Variants in CALD1 observed in about 807,000 individuals in gnomAD.
The protein encoded by CALD1 is caldesmon.
CALD1 carries 33 observed loss-of-function variants against 99.9 expected under a neutral mutation model. The observed-to-expected ratio is 0.33, with a 90% CI of 0.25 to 0.44. CALD1 has a LOEUF of 0.44. Ranked by LOEUF, CALD1 falls within the 20% of genes least tolerant of loss-of-function variation. The pLI is 1.00. For missense variants in CALD1, 861 were observed against 962.1 expected (o/e 0.89, Z 1.39); for synonymous variants, 310 against 325.0 (o/e 0.95, Z 0.50).
chr7:134,754,446 G>A (rs528115900), intron 1 of CALD1, among the ~76,000 whole-genome samples: 3 of 152,152 alleles, frequency 2.0e-5, no homozygotes, highest in Non-Finnish European at 2.9e-5. Flanking sequence ...AAAAGAAAAT[G>A]TCTATAAAAT....
At chr7:134,725,491 A>G in the CALD1 span, among the ~76,000 whole-genome samples, 3 of 151,710 alleles carry the variant, frequency 2.0e-5, no homozygotes, top group Non-Finnish European at 2.9e-5. Flanking sequence ...CTGAGCATGT[A>G]TAGCATTAAT....
intron 1 of CALD1, among the ~76,000 whole-genome samples, chr7:134,819,600 C>T (rs1798692185): frequency 6.6e-6 from 1 of 152,210 alleles, no homozygotes; most frequent in Admixed American, 6.5e-5. Context: ...ATCTTTACAA[C>T]CTCAACCCAG....
intron 1 of CALD1, among the ~76,000 whole-genome samples, chr7:134,797,820 G>C (rs997244880): frequency 2.0e-5 from 3 of 152,100 alleles, no homozygotes; most frequent in Non-Finnish European, 2.9e-5. Flanking sequence ...TCGATCTCCT[G>C]ACCTCAGGTG....
Position 134,883,474 on chromosome 7 carries a change from A to C in CALD1, c.71+15670A>C, listed in dbSNP as rs557421778. Among the ~76,000 whole-genome samples, 4 of 152,254 alleles carry C rather than the reference A, an allele frequency of 2.6e-5. No homozygotes were observed. The East Asian group carries it at 7.7e-4, about 29-fold the overall frequency. On this transcript the variant is annotated intron_variant, in intron 3 of 14. Transcript: ENST00000361675. Reference sequence around the variant, plus strand: ...TGAGAAAATTGGATATTTTTACTAAATATTTTCCCTTAAAAACCTGCCAGG... The same window carrying C: ...TGAGAAAATTGGATATTTTTACTAACTATTTTCCCTTAAAAACCTGCCAGG...
chr7:134,898,096 G>A (rs1421972607), intron 3 of CALD1, among the ~76,000 whole-genome samples: 2 of 151,992 alleles, frequency 1.3e-5, no homozygotes, highest in African/African-American at 2.4e-5. Context: ...GGCTAGCCTG[G>A]GGGTTTAAGA....
intron 13 of CALD1, among the ~76,000 whole-genome samples, chr7:134,964,703 G>C (rs1808538129): frequency 6.6e-6 from 1 of 152,114 alleles, no homozygotes; most frequent in African/African-American, 2.4e-5. Context: ...TGTGAGGCAG[G>C]AAATGCTTAT....
chr7:134,725,473 T>C, the CALD1 span, among the ~76,000 whole-genome samples: 3 of 152,204 alleles, frequency 2.0e-5, no homozygotes, highest in Non-Finnish European at 4.4e-5. Context: ...TTGCAATTCC[T>C]CAATTTCCTG....
At chr7:134,734,594 C>T in the CALD1 span, among the ~76,000 whole-genome samples, 4 of 152,162 alleles carry the variant, frequency 2.6e-5, no homozygotes, top group East Asian at 1.9e-4. Context: ...TGGAGGGACC[C>T]GGTGGGAGGT....
chr7:134,850,983 T>G (rs896693531), intron 2 of CALD1, among the ~76,000 whole-genome samples: 1 of 152,190 alleles, frequency 6.6e-6, no homozygotes, highest in African/African-American at 2.4e-5. Context: ...TGCTCCTCAT[T>G]CACCTTCCAC....
At chr7:134,846,006 G>T (rs1799837441) in intron 2 of CALD1, among the ~76,000 whole-genome samples, 1 of 152,116 alleles carries the variant, frequency 6.6e-6, no homozygotes, top group South Asian at 2.1e-4. Context: ...ACCCACCTTT[G>T]CTCCCTTCTA....
intron 1 of CALD1, among the ~76,000 whole-genome samples, chr7:134,833,728 T>C (rs921214809): frequency 6.6e-6 from 1 of 152,206 alleles, no homozygotes; most frequent in Non-Finnish European, 1.5e-5. Context: ...ATGACATAAA[T>C]AATTTAATAT....
Position 134,811,720 on chromosome 7 carries a change from C to G in CALD1, c.-130+31971C>G, listed in dbSNP as rs556382115. On this transcript the variant is annotated intron_variant, in intron 1 of 14. Coordinates refer to ENST00000361675, the MANE Select transcript of CALD1 (RefSeq NM_033138.4). ...TGGGCTATTTTTAATGTTTCCTAAA[C>G]AAATTATTGTAGGTGGGCCAATTTT... is the stretch of plus-strand genomic sequence containing the variant. Among the ~76,000 whole-genome samples, 5 of 152,206 alleles carry G rather than the reference C, an allele frequency of 3.3e-5. No individual in the cohort carries two copies. The East Asian group carries it at 9.6e-4, about 29-fold the overall frequency.
chr7:134,953,685 A>C (rs1301835894), intron 9 of CALD1, among the ~76,000 whole-genome samples: 4 of 124,306 alleles, frequency 3.2e-5, no homozygotes, highest in Non-Finnish European at 6.6e-5. Flanking sequence ...TTTTTTCAGG[A>C]GAAACTACAA....
intron 14 of CALD1, among the ~76,000 whole-genome samples, chr7:134,966,698 G>A (rs1448619710): frequency 6.6e-6 from 1 of 151,538 alleles, no homozygotes; most frequent in Non-Finnish European, 1.5e-5. Context: ...CTTTCTTTTA[G>A]GATGCATATT....
At chr7:134,825,211 G>C (rs1334231541) in intron 1 of CALD1, among the ~76,000 whole-genome samples, 1 of 152,082 alleles carries the variant, frequency 6.6e-6, no homozygotes, top group African/African-American at 2.4e-5. Context: ...TGGGAAAAGG[G>C]GTAAGGTAAT....
intron 1 of CALD1, among the ~76,000 whole-genome samples, chr7:134,785,571 AC>A (rs1177673920): frequency 6.6e-6 from 1 of 152,176 alleles, no homozygotes; most frequent in East Asian, 1.9e-4. Flanking sequence ...TCCATTGAGC[AC>A]CCATCATGGT....
At chr7:134,905,502 T>C (rs1219648665) in intron 3 of CALD1, among the ~76,000 whole-genome samples, 2 of 152,036 alleles carry the variant, frequency 1.3e-5, no homozygotes, top group African/African-American at 4.8e-5. Flanking sequence ...CCAGGCTGGC[T>C]CCTGGTGGCT....
intron 3 of CALD1, among the ~76,000 whole-genome samples, chr7:134,895,989 C>T (rs2132549464): frequency 6.6e-6 from 1 of 152,246 alleles, no homozygotes; most frequent in South Asian, 2.1e-4. Flanking sequence ...CCCTGGTCAC[C>T]TGCTCTGACC....
the CALD1 span, among the ~76,000 whole-genome samples, chr7:134,735,343 A>G: frequency 0.016 from 2,394 of 152,294 alleles, 62 homozygotes; most frequent in African/African-American, 0.051. Flanking sequence ...TTGATGGGAA[A>G]GTTCATTGCA....
Sources: gnomAD v4.1 joint callset for allele counts (sites outside exome capture counted in the v4.1 genomes callset) on GRCh38, gnomAD v4.1.1 for gene constraint, MANE v1.5 for transcripts, NCBI Gene and HGNC (gene_info 2026-07-23, HGNC 2026-07-21) for gene names.